The following SGCD variants were observed in gnomAD, a reference collection of about 807,000 sequenced individuals.
SGCD encodes the protein sarcoglycan delta.
In SGCD, 18 loss-of-function variants were observed where a neutral mutation model predicts 36.6. The ratio of observed to expected loss-of-function variants is 0.49; its 90% CI spans 0.34 to 0.73. The LOEUF (loss-of-function observed/expected upper bound fraction) is 0.73, where lower values mean the gene tolerates loss of function less well. SGCD is among the 30% of genes least tolerant of loss of function. The probability of loss-of-function intolerance (pLI) is 0.01; values close to 1 mark genes in which losing one functional copy is unlikely to be tolerated. For synonymous variants in SGCD, 133 were observed against 130.6 expected, an observed-to-expected ratio of 1.02 and a Z score of -0.12; for missense variants, 387 against 346.7, an observed-to-expected ratio of 1.12 and a Z score of -0.92.
At chr5:156,093,084 C>A (rs1272061890) in intron 1 of SGCD, among the ~76,000 whole-genome samples, 1 of 152,208 alleles carries the variant, frequency 6.6e-6, no homozygotes, top group East Asian at 1.9e-4. Flanking sequence ...AAGGCCACAA[C>A]CTTGTCCCAT....
At chr5:156,302,595 C>T (rs1257217552) in intron 3 of SGCD, among the ~76,000 whole-genome samples, 1 of 152,084 alleles carries the variant, frequency 6.6e-6, no homozygotes, top group Non-Finnish European at 1.5e-5. Context: ...GATATTTGTG[C>T]ATTAAATATT....
intron 8 of SGCD, among the ~76,000 whole-genome samples, chr5:156,758,723 AT>A: frequency 6.6e-6 from 1 of 152,012 alleles, no homozygotes; most frequent in South Asian, 2.1e-4. Flanking sequence ...TTATAGGCAT[AT>A]TTTTATAGGC....
intron 6 of SGCD, among the ~76,000 whole-genome samples, chr5:156,637,743 G>A (rs1762883064): frequency 6.6e-6 from 1 of 152,080 alleles, no homozygotes; most frequent in Admixed American, 6.6e-5. Context: ...GGCCATACTG[G>A]GGATGAAGTC....
chr5:156,323,953 A>T (rs867131845), upstream of SGCD, among the ~76,000 whole-genome samples: 1 of 152,230 alleles, frequency 6.6e-6, no homozygotes, highest in South Asian at 2.1e-4. Context: ...TGTGCCATGC[A>T]TTTCGCTAAG....
In SGCD at chr5:156,757,629, G is replaced by T; in HGVS notation, c.624G>T (p.Val208=). The T allele has an allele frequency of 1.2e-6, 2 of 1,611,540 alleles. No homozygotes were observed. Among genetic ancestry groups the T allele is most frequent in the African/African-American group, 1.3e-5 (1 of 74,994 alleles). ...TAGTGATGGAGGCCCCAAAAGGAGT[G>T]GAAATCAATGCAGAAGCTGGCAATA... The part of the protein sequence containing the change: ...RSLVMEAPKG[V]EINAEAGNME... The change falls in exon 8 of 9, where the codon GTG becomes GTT. Residue 208 remains valine, a synonymous_variant. Coordinates refer to ENST00000337851, the MANE Select transcript of SGCD (RefSeq NM_000337.6).
At chr5:156,474,329 C>T (rs1372979660) in intron 3 of SGCD, among the ~76,000 whole-genome samples, 1 of 152,194 alleles carries the variant, frequency 6.6e-6, no homozygotes, top group African/African-American at 2.4e-5. Flanking sequence ...GTGCAAGCAC[C>T]GTGTGTCAGG....
At chr5:155,750,898 C>T in the SGCD span, among the ~76,000 whole-genome samples, 2 of 152,138 alleles carry the variant, frequency 1.3e-5, no homozygotes, top group African/African-American at 4.8e-5. Context: ...CTCCAAATGG[C>T]CTCTGCAAGC....
At chr5:156,020,444 AT>A (rs1374386114) in intron 1 of SGCD, among the ~76,000 whole-genome samples, 7 of 152,176 alleles carry the variant, frequency 4.6e-5, no homozygotes, top group African/African-American at 1.7e-4. Context: ...GCCACATTTT[AT>A]CACATCATAT....
rs534293506 is a variant in SGCD, at chr5:156,579,011, C to T, written c.295-10220C>T. Among the ~76,000 whole-genome samples, 252 of 152,216 alleles carry T rather than the reference C, an allele frequency of 1.7e-3. 2 individuals carry two copies. Among genetic ancestry groups the T allele is most frequent in the Middle Eastern group, 3.4e-3 (1 of 294 alleles). On this transcript the variant is annotated intron_variant, in intron 4 of 8. Coordinates refer to ENST00000337851, the MANE Select transcript of SGCD (RefSeq NM_000337.6). ...TCTTTTCATTGTGGTGTTAGGGTGT[C>T]GATTTTAGATCTTTCCTGCTTTTTC...
At chr5:155,891,572 T>TTTTTTTTTTTTTTTTTTTTTTTTTC (rs1561640678) in intron 1 of SGCD, among the ~76,000 whole-genome samples, 1 of 145,294 alleles carries the variant, frequency 6.9e-6, no homozygotes, top group Admixed American at 7.1e-5. Context: ...TTTTTTTTTT[T>TTTTTTTTTTTTTTTTTTTTTTTTTC]TTTTTGGTGA....
At chr5:156,542,668 A>G (rs1440598515) in intron 4 of SGCD, among the ~76,000 whole-genome samples, 1 of 152,192 alleles carries the variant, frequency 6.6e-6, no homozygotes, top group Admixed American at 6.6e-5. Context: ...AGAGACATGG[A>G]GTAATTTGTC....
intron 3 of SGCD, among the ~76,000 whole-genome samples, chr5:156,229,193 T>A: frequency 6.7e-6 from 1 of 148,560 alleles, no homozygotes; most frequent in Non-Finnish European, 1.5e-5. Flanking sequence ...TGGGACCTTG[T>A]GATCATGTGA....
chr5:156,237,090 C>G (rs778712932), intron 3 of SGCD, among the ~76,000 whole-genome samples: 15 of 151,954 alleles, frequency 9.9e-5, no homozygotes. Context: ...GTGCCTTGGC[C>G]TCCCAAAGTG....
rs140294384 is a variant in SGCD at position 156,296,638 on chromosome 5, TGTA to T, written c.-43-32893_-43-32891del. On this transcript the variant is annotated intron_variant, in intron 3 of 9. Coordinates refer to the SGCD transcript ENST00000517913. ...TTATTGAATTCTAATTTAATCCTGT[TGTA>T]GTCACAGAAGATACTTTGTATTATA... Among the ~76,000 whole-genome samples, 949 of 152,292 alleles carry T rather than the reference TGTA, an allele frequency of 6.2e-3. 7 individuals carry two copies. Among genetic ancestry groups the T allele is most frequent in the African/African-American group, 0.02 (847 of 41,576 alleles).
chr5:156,519,495 G>A (rs1757317709), intron 4 of SGCD, among the ~76,000 whole-genome samples: 1 of 152,104 alleles, frequency 6.6e-6, no homozygotes, highest in South Asian at 2.1e-4. Context: ...TGAAAAGGAG[G>A]GATTCTTCCC....
chr5:156,756,554 ATAAAAT>A (rs1757342544), intron 7 of SGCD, among the ~76,000 whole-genome samples: 1 of 152,300 alleles, frequency 6.6e-6, no homozygotes, highest in East Asian at 1.9e-4. Context: ...AAAAAGAAAA[ATAAAAT>A]TAGAATATTT....
At chr5:156,536,068 G>A (rs1203876867) in intron 4 of SGCD, among the ~76,000 whole-genome samples, 1 of 152,100 alleles carries the variant, frequency 6.6e-6, no homozygotes, top group Non-Finnish European at 1.5e-5. Context: ...CTTTGATAAT[G>A]GGGATATTTA....
At chr5:155,879,498 G>A (rs1016534389) in intron 1 of SGCD, among the ~76,000 whole-genome samples, 5 of 152,244 alleles carry the variant, frequency 3.3e-5, no homozygotes, top group African/African-American at 1.2e-4. Flanking sequence ...AAGATAGGTG[G>A]TTGGAATGAT....
chr5:156,026,001 T>C (rs769517468), intron 1 of SGCD, among the ~76,000 whole-genome samples: 9 of 152,236 alleles, frequency 5.9e-5, no homozygotes, highest in Non-Finnish European at 1.2e-4. Context: ...TCATTATCTA[T>C]AAAGTGAGTG....
Sources: allele counts gnomAD v4.1 joint callset (sites outside exome capture counted in the v4.1 genomes callset), GRCh38; gene constraint gnomAD v4.1.1; transcripts MANE v1.5; gene names NCBI Gene and HGNC (gene_info 2026-07-23, HGNC 2026-07-21).